The following PHF21A variants were observed in gnomAD, a reference collection of about 807,000 sequenced individuals.
PHF21A encodes the protein PHD finger protein 21A.
Under a neutral mutation model 82.5 loss-of-function variants are expected in PHF21A, and 11 were observed. The ratio of observed to expected loss-of-function variants is 0.13; its 90% CI spans 0.08 to 0.22. PHF21A has a LOEUF of 0.22. PHF21A is among the 10% of genes least tolerant of loss of function. PHF21A has a pLI of 1.00. For missense variants in PHF21A, 579 were observed against 837.8 expected (o/e 0.69, Z 3.81); for synonymous variants, 297 against 302.8 (o/e 0.98, Z 0.20).
Position 46,064,016 on chromosome 11 carries a change from C to T in PHF21A, c.153+12738G>A, listed in dbSNP as rs560841455. ...CAGAAAAACAAATTTCAAGTTCTGT[C>T]GATTAACACCCTCCCCCAATTTCAC... On this transcript the variant is annotated intron_variant, in intron 6 of 18. Transcript: ENST00000676320. 5.9e-5 allele frequency among the ~76,000 whole-genome samples: 9 copies of T among 152,238 alleles called. No individual in the cohort carries two copies. In the East Asian group the frequency reaches 1.4e-3, roughly 23 times the overall value.
chr11:46,028,719 G>A (rs536556034), intron 6 of PHF21A, among the ~76,000 whole-genome samples: 2 of 151,894 alleles, frequency 1.3e-5, no homozygotes, highest in East Asian at 1.9e-4. Flanking sequence ...GATTACAGGC[G>A]CCCGCCACCA....
intron 6 of PHF21A, among the ~76,000 whole-genome samples, chr11:46,058,780 T>C (rs772074298): frequency 9.2e-5 from 14 of 152,100 alleles, no homozygotes; most frequent in African/African-American, 1.4e-4. Context: ...ACATTCTCTT[T>C]ACAAAATCTG....
intron 4 of PHF21A, 74 bp downstream of exon 4, chr11:46,084,092 C>T (rs2096826976): frequency 2.8e-6 from 3 of 1,072,890 alleles, no homozygotes; most frequent in Non-Finnish European, 4.1e-6. Flanking sequence ...ATACTAAACA[C>T]CAGAGATGGA....
intron 6 of PHF21A, among the ~76,000 whole-genome samples, chr11:46,050,676 T>C (rs910092110): frequency 6.6e-6 from 1 of 152,206 alleles, no homozygotes; most frequent in Non-Finnish European, 1.5e-5. Context: ...CCTGAAACTA[T>C]AATTTACAAT....
At chr11:46,111,734 T>C (rs1358370932) in intron 1 of PHF21A, among the ~76,000 whole-genome samples, 1 of 152,146 alleles carries the variant, frequency 6.6e-6, no homozygotes, top group African/African-American at 2.4e-5. Flanking sequence ...GAACCAGCCA[T>C]GCAAATAAAA....
intron 1 of PHF21A, among the ~76,000 whole-genome samples, chr11:46,099,523 G>GACACACACACACAC (rs71038882): frequency 0.059 from 8,131 of 137,486 alleles, 327 homozygotes; most frequent in South Asian, 0.078. Context: ...AGAAAAATTA[G>GACACACACACACAC]ACACACACAC....
At chr11:45,981,309 C>T (rs532832824) in intron 6 of PHF21A, among the ~76,000 whole-genome samples, 1 of 148,884 alleles carries the variant, frequency 6.7e-6, no homozygotes, top group Admixed American at 6.8e-5. Context: ...TTGCTTGAAC[C>T]TAGGAGATGG....
At chr11:46,047,936 C>T (rs2096280539) in intron 6 of PHF21A, among the ~76,000 whole-genome samples, 1 of 152,222 alleles carries the variant, frequency 6.6e-6, no homozygotes, top group African/African-American at 2.4e-5. Context: ...AAAGACAATT[C>T]AGTGCCCTGA....
chr11:46,003,655 T>C (rs2095216374), intron 6 of PHF21A, among the ~76,000 whole-genome samples: 1 of 152,074 alleles, frequency 6.6e-6, no homozygotes, highest in Admixed American at 6.6e-5. Flanking sequence ...GAATGATATA[T>C]TATGTAGAAG....
At chr11:46,042,339 G>A (rs1027588899) in intron 6 of PHF21A, among the ~76,000 whole-genome samples, 13 of 152,050 alleles carry the variant, frequency 8.5e-5, no homozygotes, top group Non-Finnish European at 1.6e-4. Context: ...AGAATTTGAC[G>A]GTAAACCAGA....
chr11:45,932,268 A>G lies in PHF21A; in HGVS notation c.*1700T>C, dbSNP rs574421119. ...ATAATGCTGGTGGCTGAAAGACCAA[A>G]AGCAGCACCAAAGGAAGGGATCTTA... On this transcript the variant is annotated 3_prime_UTR_variant, in exon 19 of 19. Coordinates refer to ENST00000676320, the MANE Select transcript of PHF21A (RefSeq NM_001352027.3). This position sits in a 1 kb window ranked among gnomAD's most constrained non-coding sequence, Gnocchi z 4.3. The G allele has an allele frequency of 1.3e-5, 2 of 152,356 alleles. No homozygotes were observed. Among genetic ancestry groups the G allele is most frequent in the Admixed American group, 1.3e-4 (2 of 15,312 alleles). 9.4% of individuals were successfully genotyped at this position (152,356 alleles called of 1,614,324 possible).
intron 1 of PHF21A, among the ~76,000 whole-genome samples, chr11:46,118,331 C>T (rs1041044165): frequency 6.6e-6 from 1 of 151,348 alleles, no homozygotes; most frequent in Non-Finnish European, 1.5e-5. Context: ...CAATAGCACC[C>T]AAGCAAAACA....
intron 10 of PHF21A, among the ~76,000 whole-genome samples, chr11:45,961,690 A>G (rs1031356216): frequency 1.3e-5 from 2 of 152,184 alleles, no homozygotes; most frequent in Admixed American, 6.5e-5. Flanking sequence ...GAGAAGAAAC[A>G]TAATTCCTGA....
At chr11:46,054,236 AAGTC>A (rs1211156552) in intron 6 of PHF21A, among the ~76,000 whole-genome samples, 3 of 152,184 alleles carry the variant, frequency 2.0e-5, no homozygotes, top group African/African-American at 7.2e-5. Flanking sequence ...GAAAAGCTGA[AAGTC>A]AGAGTATTAA....
intron 6 of PHF21A, among the ~76,000 whole-genome samples, chr11:46,007,764 C>T (rs1034970321): frequency 6.6e-6 from 1 of 152,170 alleles, no homozygotes; most frequent in Non-Finnish European, 1.5e-5. Flanking sequence ...GTACCCTTTA[C>T]ATAACCTAAC....
intron 6 of PHF21A, among the ~76,000 whole-genome samples, chr11:45,993,811 G>A (rs1361329162): frequency 6.6e-6 from 1 of 151,776 alleles, no homozygotes; most frequent in Non-Finnish European, 1.5e-5. Context: ...AGTGATGCTG[G>A]GAAACGGGAC....
chr11:45,970,630 G>T (rs1395602944), intron 8 of PHF21A: 1 of 150,956 alleles, frequency 6.6e-6, no homozygotes, highest in Non-Finnish European at 1.5e-5. Context: ...CGGTTAATTT[G>T]TGAGTTTCTT....
chr11:46,014,997 A>AAT (rs1363987474), intron 6 of PHF21A, among the ~76,000 whole-genome samples: 1 of 46,420 alleles, frequency 2.2e-5, no homozygotes, highest in Non-Finnish European at 3.4e-5. Flanking sequence ...AAAAAAAATA[A>AAT]AAATAAAAAA....
At chr11:45,971,056 TA>T in intron 8 of PHF21A, 59 bp downstream of exon 8, 8 of 1,580,232 alleles carry the variant, frequency 5.1e-6, no homozygotes, top group Non-Finnish European at 6.9e-6. Flanking sequence ...GGATATACTA[TA>T]CAAATGCGTA....
Sources: gnomAD v4.1 joint callset for allele counts (sites outside exome capture counted in the v4.1 genomes callset) on GRCh38, gnomAD v4.1.1 for gene constraint, Gnocchi (gnomAD v3.1) non-coding constraint, MANE v1.5 for transcripts, NCBI Gene and HGNC (gene_info 2026-07-23, HGNC 2026-07-21) for gene names.